Variants in NEB observed in about 807,000 individuals in gnomAD.
The protein encoded by NEB is nemaline myopathy type 2.
Under a neutral mutation model 952.2 loss-of-function variants are expected in NEB, and 512 were observed. The ratio of observed to expected loss-of-function variants is 0.54; its 90% confidence interval spans 0.50 to 0.58. The LOEUF (loss-of-function observed/expected upper bound fraction) is 0.58. Among genes scored for constraint, NEB ranks in the 20% least tolerant of loss-of-function variants. NEB has a pLI of 0.00. For synonymous variants in NEB, 2,900 were observed against 3,149.8 expected (o/e 0.92, Z 2.66); for missense variants, 8,428 against 9,231.1 (o/e 0.91, Z 3.56).
At position 151,671,034 on chromosome 2, in the gene NEB, G is replaced by T; in HGVS notation, c.4495C>A (p.Gln1499Lys). The stretch of plus-strand genomic sequence containing the variant: ...AGGAAAGCACTCACATCACTTAGCT[G>T]CTTTGTGTTATGCTGAGCCAACACC... Reference protein sequence around the residue: ...GMVLAQHNTKQLSDLNYKVEG... With the variant: ...GMVLAQHNTKKLSDLNYKVEG... Residue 1499 changes from glutamine to lysine, a missense_variant, in exon 38 of 182, where the codon CAG (glutamine) becomes AAG (lysine). This residue lies in a region of NEB where 2,851 missense variants were observed against 2,791.5 expected (regional missense o/e 1.02). Coordinates refer to ENST00000397345, the MANE Select transcript of NEB (RefSeq NM_001164508.2). 1.2e-6 allele frequency: 2 copies of T among 1,613,668 alleles called. No individual in the cohort carries two copies. Among genetic ancestry groups the T allele is most frequent in the Non-Finnish European group, 1.7e-6 (2 of 1,179,576 alleles).
intron 10 of NEB, among the ~76,000 whole-genome samples, chr2:151,716,929 T>C (rs745639468): frequency 2.6e-5 from 4 of 152,216 alleles, no homozygotes; most frequent in Non-Finnish European, 5.9e-5. Context: ...TGCCTAAATA[T>C]AGGTAGACTA....
chr2:151,502,815 C>T lies in NEB; in HGVS notation c.23906G>A (p.Arg7969His), dbSNP rs766732299. ...PITPEMERVK[R>H]NQENFSSILY... is the part of the protein sequence containing the mutation. The stretch of plus-strand genomic sequence containing the variant: ...TACCGAGCTAAAGTTCTCTTGATTG[C>T]GTTTGACTCTCTCCATCTCTGGAGT... The change falls in exon 167 of 182, where the codon CGC (arginine) becomes CAC (histidine). Residue 7969 changes from arginine to histidine, a missense_variant. Around this residue, in one of 11 missense-constraint regions of NEB, gnomAD observed 3,374 missense variants for 3,651.5 expected, o/e 0.92. Transcript: ENST00000397345. 22 of 1,602,040 alleles carry T rather than the reference C, an allele frequency of 1.4e-5. No homozygotes were observed. The highest frequency in any genetic ancestry group is 4.1e-5 in the African/African-American group (3 of 73,644).
Position 151,496,474 on chromosome 2 carries a change from C to T in NEB, c.24394-106G>A, listed in dbSNP as rs566673738. 9.5e-6 allele frequency: 14 copies of T among 1,468,974 alleles called. No homozygotes were observed. The South Asian group carries it at 1.6e-4, about 17-fold the overall frequency. The allele number at this position is 1,468,974 out of a possible 1,614,324, so 91.0% of individuals were successfully genotyped here. A position where few individuals can be genotyped will look rare whatever the true frequency, so the allele number is the denominator to read the frequency against. On this transcript the variant is annotated intron_variant, in intron 172 of 181. Transcript: ENST00000397345. Reference sequence around the variant, plus strand: ...TCCTTGTTAAGAAAACACAGTCGTCCAAGGAGCCAGAAGTTATATGCTGAC... The same window carrying T: ...TCCTTGTTAAGAAAACACAGTCGTCTAAGGAGCCAGAAGTTATATGCTGAC...
intron 5 of NEB, 131 bp from the exon 6 acceptor site, chr2:151,725,691 C>T (rs752435891): frequency 1.5e-4 from 102 of 668,550 alleles, no homozygotes; most frequent in Non-Finnish European, 2.0e-4. Flanking sequence ...TCTTTTTGTC[C>T]CCTACCCCAA....
chr2:151,565,647 A>G, intron 115 of NEB, 42 bp from the exon 116 acceptor site: 1 of 1,563,268 alleles, frequency 6.4e-7, no homozygotes, highest in Non-Finnish European at 8.8e-7. Flanking sequence ...CTACCACCAC[A>G]GGTTATCTAC....
intron 21 of NEB, 35 bp downstream of exon 21, chr2:151,692,226 C>T: frequency 6.2e-7 from 1 of 1,603,800 alleles, no homozygotes; most frequent in East Asian, 2.2e-5. Context: ...GTAGGAAAGC[C>T]CTCCTACCCG....
intron 68 of NEB, among the ~76,000 whole-genome samples, chr2:151,629,240 A>G (rs6750342): frequency 0.3 from 45,586 of 152,034 alleles, 7,558 homozygotes; most frequent in Non-Finnish European, 0.39. Context: ...TCTATGCTCA[A>G]AATATGGAGA....
At chr2:151,658,670 T>C (rs1034115218) in intron 47 of NEB, among the ~76,000 whole-genome samples, 1 of 152,202 alleles carries the variant, frequency 6.6e-6, no homozygotes, top group African/African-American at 2.4e-5. Context: ...TTCAAAATGT[T>C]CTTCTTCCCT....
At chr2:151,682,624 A>T (rs762539443) in intron 29 of NEB, 38 bp downstream of exon 29, 1 of 1,496,200 alleles carries the variant, frequency 6.7e-7, no homozygotes. Flanking sequence ...AACACAACAC[A>T]GTCACCACTC....
chr2:151,583,831 A>C, intron 100 of NEB, 65 bp from the exon 101 acceptor site: 1 of 443,794 alleles, frequency 2.3e-6, no homozygotes, highest in South Asian at 2.5e-5. Context: ...GGGTTTTCTA[A>C]TTTAAATGGT....
intron 11 of NEB, 45 bp downstream of exon 11, chr2:151,710,389 G>A (rs1457791395): frequency 1.5e-6 from 2 of 1,353,788 alleles, no homozygotes; most frequent in East Asian, 2.3e-5. Flanking sequence ...AAGGAAAGGG[G>A]TCTCCCTCCC....
chr2:151,640,492 G>C lies in NEB; in HGVS notation c.8548C>G (p.Leu2850Val). Reference sequence around the variant, plus strand: ...CACTTCTTGGCCAGCACCACCCCCAGCATGTCCACTGGGCTGCTGAACTTG... The same window carrying C: ...CACTTCTTGGCCAGCACCACCCCCACCATGTCCACTGGGCTGCTGAACTTG... The part of the protein sequence containing the change: ...KTKFSSPVDM[L>V]GVVLAKKCQT... The change falls in exon 61 of 182, where the codon CTG (leucine) becomes GTG (valine). Residue 2850 changes from leucine to valine, a missense_variant. By Grantham distance (32) the Leu-to-Val change is conservative. Coordinates refer to ENST00000397345, the MANE Select transcript of NEB (RefSeq NM_001164508.2). 6 of 1,613,880 alleles carry C rather than the reference G, an allele frequency of 3.7e-6. No individual in the cohort carries two copies. The highest frequency in any genetic ancestry group is 5.1e-6 in the Non-Finnish European group (6 of 1,179,866).
At position 151,670,898 on chromosome 2, in the gene NEB, C is replaced by T. The variant is rs570337448; in HGVS notation, c.4506+125G>A. On this transcript the variant is annotated intron_variant, in intron 38 of 181. Coordinates refer to ENST00000397345, the MANE Select transcript of NEB (RefSeq NM_001164508.2). Reference sequence around the variant, plus strand: ...TCAAAAGGCAGCCCTTTCTCTCATACCTATGAAAGCAGTTTATTTGCTAAC... The same window carrying T: ...TCAAAAGGCAGCCCTTTCTCTCATATCTATGAAAGCAGTTTATTTGCTAAC... 61 of 996,014 alleles carry T rather than the reference C, an allele frequency of 6.1e-5. No individual in the cohort carries two copies. The Middle Eastern group carries it at 7.6e-4, about 12-fold the overall frequency. The allele number at this position is 996,014 out of a possible 1,614,324, so 61.7% of individuals were successfully genotyped here. A position where few individuals can be genotyped will look rare whatever the true frequency, so the allele number is the denominator to read the frequency against.
chr2:151,646,381 C>T (rs1038276456), intron 54 of NEB, 147 bp from the exon 55 acceptor site: 4 of 663,360 alleles, frequency 6.0e-6, no homozygotes, highest in East Asian at 2.8e-5. Flanking sequence ...AAAATAGATG[C>T]AATATTTCTT....
chr2:151,670,381 G>A (rs2099270453), intron 38 of NEB, among the ~76,000 whole-genome samples: 1 of 151,226 alleles, frequency 6.6e-6, no homozygotes, highest in Admixed American at 6.6e-5. Context: ...AGTCATGTGA[G>A]GCCCTGAGCA....
In NEB at chr2:151,501,444, G is replaced by A; in HGVS notation, c.23968C>T (p.Pro7990Ser). Residue 7990 changes from proline (P) to serine (S), a missense_variant, in exon 168 of 182, where the codon CCT becomes TCT. Transcript: ENST00000397345. ...ACTCGCTCCATCTCAGGAGTGACAG[G>A]TAGGGGAGTCCCCTTGCTCAAGTTC... ...KENLSKGTPL[P>S]VTPEMERVKL... 1.3e-6 allele frequency: 2 copies of A among 1,541,728 alleles called. No homozygotes were observed. Among genetic ancestry groups the A allele is most frequent in the Non-Finnish European group, 8.8e-7 (1 of 1,142,090 alleles).
chr2:151,489,980 A>G lies in NEB; in HGVS notation c.25395T>C (p.Ser8465=). Reference sequence around the variant, plus strand: ...GTTGTTATTCACTTACTCCAGCAGTAGATGGATGAGATGGGATGGAAGATA... The same window carrying G: ...GTTGTTATTCACTTACTCCAGCAGTGGATGGATGAGATGGGATGGAAGATA... The part of the protein sequence containing the change: ...TTVSSIPSHP[S]TAGKIFRAMY... Residue 8465 remains serine, a synonymous_variant, in exon 181 of 182, where the codon TCT becomes TCC. Transcript: ENST00000397345. 1 of 1,590,790 alleles carries G rather than the reference A, an allele frequency of 6.3e-7. No homozygotes were observed. The highest frequency in any genetic ancestry group is 8.6e-7 in the Non-Finnish European group (1 of 1,158,830).
chr2:151,642,146 A>G (rs777432459), intron 60 of NEB, among the ~76,000 whole-genome samples: 1 of 152,234 alleles, frequency 6.6e-6, no homozygotes, highest in Non-Finnish European at 1.5e-5. Context: ...TGATATAGAA[A>G]CAAACATGTT....
chr2:151,625,730 G>A (rs1173383511), intron 70 of NEB, 92 bp from the exon 71 acceptor site: 2 of 744,586 alleles, frequency 2.7e-6, no homozygotes, highest in Non-Finnish European at 4.1e-6. Context: ...TTGAGAGCCA[G>A]CTTTCTTGCT....
Sources: gnomAD v4.1 joint callset for allele counts (sites outside exome capture counted in the v4.1 genomes callset) on GRCh38, gnomAD v4.1.1 for gene constraint, gnomAD v4.1.1 regional missense constraint, MANE v1.5 for transcripts, NCBI Gene and HGNC (gene_info 2026-07-23, HGNC 2026-07-21) for gene names.